Variants in VRK1 observed in about 807,000 individuals in gnomAD.
The protein encoded by VRK1 is VRK serine/threonine kinase 1.
VRK1 carries 33 observed loss-of-function variants against 57.1 expected under a neutral mutation model. The observed-to-expected ratio is 0.58, with a 90% CI of 0.44 to 0.77. The LOEUF is 0.77. Ranked by LOEUF, VRK1 falls within the 30% of genes least tolerant of loss-of-function variation. The pLI is 0.00. For synonymous variants in VRK1, 137 were observed against 147.8 expected (o/e 0.93, Z 0.53); for missense variants, 413 against 477.3 (o/e 0.87, Z 1.25).
At chr14:96,829,312 C>T (rs866742062) in intron 1 of VRK1, among the ~76,000 whole-genome samples, 1 of 150,712 alleles carries the variant, frequency 6.6e-6, no homozygotes, top group East Asian at 1.9e-4. Flanking sequence ...ATTATAGGAG[C>T]AATAATCATT....
At chr14:96,875,473 T>G (rs1355908654) in intron 11 of VRK1, among the ~76,000 whole-genome samples, 1 of 152,202 alleles carries the variant, frequency 6.6e-6, no homozygotes, top group Non-Finnish European at 1.5e-5. Flanking sequence ...TAATAAAAAG[T>G]ATGCTAAAAG....
At chr14:96,827,648 G>T (rs1444476515) in intron 1 of VRK1, among the ~76,000 whole-genome samples, 2 of 152,048 alleles carry the variant, frequency 1.3e-5, no homozygotes, top group African/African-American at 4.8e-5. Context: ...GACAGTAACT[G>T]CTCCCTATAT....
intron 12 of VRK1, among the ~76,000 whole-genome samples, chr14:96,876,373 A>C (rs1438329514): frequency 6.6e-6 from 1 of 152,158 alleles, no homozygotes; most frequent in Non-Finnish European, 1.5e-5. Flanking sequence ...TGAATGATTA[A>C]ATGGCAGAGC....
In VRK1 at chr14:96,860,542, G is replaced by A. The variant is rs769879851; in HGVS notation, c.890-15G>A. ...ATATATTGAAAGTTATAAAATGATT[G>A]TGTTATTCTTTTAGGTGAAATTGCC... On this transcript the variant is annotated splice_polypyrimidine_tract_variant and intron_variant, in intron 10 of 12. Coordinates refer to ENST00000216639, the MANE Select transcript of VRK1 (RefSeq NM_003384.3). The A allele has an allele frequency of 6.2e-7, 1 of 1,606,060 alleles. No individual in the cohort carries two copies. The highest frequency in any genetic ancestry group is 8.5e-7 in the Non-Finnish European group (1 of 1,173,856).
chr14:96,849,081 A>G (rs2139786698), intron 5 of VRK1, among the ~76,000 whole-genome samples: 1 of 152,282 alleles, frequency 6.6e-6, no homozygotes, highest in African/African-American at 2.4e-5. Context: ...CAGATAATGA[A>G]GACCCATAGA....
intron 12 of VRK1, among the ~76,000 whole-genome samples, chr14:96,876,484 A>T (rs1416661773): frequency 1.1e-4 from 17 of 152,174 alleles, no homozygotes; most frequent in Non-Finnish European, 2.5e-4. Context: ...AGTCTGGGCA[A>T]CATAGAAACC....
intron 10 of VRK1, among the ~76,000 whole-genome samples, chr14:96,860,186 A>T (rs985810530): frequency 6.6e-6 from 1 of 152,122 alleles, no homozygotes; most frequent in Non-Finnish European, 1.5e-5. Context: ...TGGCAAAAAC[A>T]TATTGGCTAT....
rs746643098 is a variant in VRK1, at chr14:96,859,661, T to TTG, written c.890-882_890-881dup. ...TGAATGTGTGTATATATGCACACGC[T>TTG]TGTGTGTGTGTGTGTAGAACTGATA... is the stretch of plus-strand genomic sequence containing the variant. On this transcript the variant is annotated intron_variant, in intron 10 of 12. Transcript: ENST00000216639. Among the ~76,000 whole-genome samples, 296 of 151,650 alleles carry TTG rather than the reference T, an allele frequency of 2.0e-3. 1 individual carries two copies. The highest frequency in any genetic ancestry group is 3.9e-3 in the Admixed American group (60 of 15,234).
intron 1 of VRK1, among the ~76,000 whole-genome samples, chr14:96,831,887 A>G (rs1887018718): frequency 1.3e-5 from 2 of 152,280 alleles, no homozygotes; most frequent in Admixed American, 1.3e-4. Context: ...TATTTGGTTT[A>G]CTACCATAGG....
Position 96,833,459 on chromosome 14 carries a change from T to C in VRK1, c.-5-8T>C, listed in dbSNP as rs1157932092. The stretch of plus-strand genomic sequence containing the variant: ...GAATTCTGACCATTTCTTTGTTTTA[T>C]GTTATAGTGAAAATGCCTCGTGTAA... On this transcript the variant is annotated splice_region_variant and splice_polypyrimidine_tract_variant and intron_variant, in intron 1 of 12. Transcript: ENST00000216639. 34 of 1,613,082 alleles carry C rather than the reference T, an allele frequency of 2.1e-5. No homozygotes were observed. In the Admixed American group the frequency reaches 5.7e-4, roughly 27 times the overall value.
chr14:96,815,743 A>G (rs1218905243), intron 1 of VRK1, among the ~76,000 whole-genome samples: 1 of 151,818 alleles, frequency 6.6e-6, no homozygotes, highest in Non-Finnish European at 1.5e-5. Flanking sequence ...AAACAGAACA[A>G]AACAAATTCG....
At chr14:96,853,715 TG>T (rs1252601797) in intron 7 of VRK1, among the ~76,000 whole-genome samples, 3 of 152,128 alleles carry the variant, frequency 2.0e-5, no homozygotes, top group Admixed American at 6.5e-5. Flanking sequence ...GAAAAGCTAA[TG>T]TTATTATACC....
chr14:96,843,661 A>C (rs1339586447), intron 3 of VRK1, among the ~76,000 whole-genome samples: 1 of 152,194 alleles, frequency 6.6e-6, no homozygotes, highest in Non-Finnish European at 1.5e-5. Flanking sequence ...TTAAAATGTC[A>C]GTCCCAATTT....
chr14:96,808,788 A>T (rs765290243), intron 1 of VRK1, among the ~76,000 whole-genome samples: 18 of 152,138 alleles, frequency 1.2e-4, no homozygotes, highest in Non-Finnish European at 2.1e-4. Context: ...TGCATAACAC[A>T]CTAGTTTTGA....
chr14:96,800,468 C>T (rs1341157767), intron 1 of VRK1, among the ~76,000 whole-genome samples: 1 of 152,106 alleles, frequency 6.6e-6, no homozygotes, highest in East Asian at 1.9e-4. Flanking sequence ...AGCGATGGCC[C>T]TTCTCCCATA....
At chr14:96,827,488 G>C (rs1886844891) in intron 1 of VRK1, among the ~76,000 whole-genome samples, 1 of 151,972 alleles carries the variant, frequency 6.6e-6, no homozygotes, top group Non-Finnish European at 1.5e-5. Flanking sequence ...GCAGCTTCTT[G>C]CTCCCACCAG....
chr14:96,824,812 C>T (rs953378119), intron 1 of VRK1, among the ~76,000 whole-genome samples: 3 of 151,876 alleles, frequency 2.0e-5, no homozygotes, highest in Non-Finnish European at 4.4e-5. Context: ...CACCACCACG[C>T]CTGGCTTATT....
chr14:96,804,555 T>C (rs77798501), intron 1 of VRK1, among the ~76,000 whole-genome samples: 1,577 of 152,300 alleles, frequency 0.01, 22 homozygotes, highest in African/African-American at 0.031. Context: ...GAAGGATCAT[T>C]GGTTCGTGAA....
intron 12 of VRK1, among the ~76,000 whole-genome samples, chr14:96,879,938 T>A (rs554413606): frequency 5.0e-4 from 70 of 140,388 alleles, no homozygotes; most frequent in South Asian, 6.6e-4. Context: ...AAAAAAAAAA[T>A]AATAATAATA....
Sources: allele counts gnomAD v4.1 joint callset (sites outside exome capture counted in the v4.1 genomes callset), GRCh38; gene constraint gnomAD v4.1.1; transcripts MANE v1.5; gene names NCBI Gene and HGNC (gene_info 2026-07-23, HGNC 2026-07-21).